RASGRF2: variants seen among roughly 807,000 people sequenced by gnomAD.
The protein encoded by RASGRF2 is Ras protein specific guanine nucleotide releasing factor 2, also known as ras-specific guanine nucleotide-releasing factor 2.
In RASGRF2, 76 loss-of-function variants were observed where a neutral mutation model predicts 151.0. That is an observed-to-expected ratio of 0.50 (90% CI 0.42 to 0.61). The LOEUF is 0.61. Ranked by LOEUF, RASGRF2 falls within the 20% of genes least tolerant of loss-of-function variation. RASGRF2 has a pLI of 0.00. For synonymous variants in RASGRF2, 504 were observed against 566.5 expected (o/e 0.89, Z 1.57); for missense variants, 1,148 against 1,564.6 (o/e 0.73, Z 4.49).
intron 15 of RASGRF2, among the ~76,000 whole-genome samples, chr5:81,118,352 G>A (rs760073907): frequency 2.0e-5 from 3 of 152,204 alleles, no homozygotes; most frequent in East Asian, 1.9e-4. Context: ...TGCGGTGGCC[G>A]AAGCTGTACC....
chr5:80,983,880 C>T (rs1288734848), intron 1 of RASGRF2, among the ~76,000 whole-genome samples: 1 of 152,156 alleles, frequency 6.6e-6, no homozygotes, highest in African/African-American at 2.4e-5. Context: ...ACTTATTTCT[C>T]TTTACTTCTT....
rs566140258 is a variant in RASGRF2, at chr5:81,097,216, C to T, written c.1755+2224C>T. ...CCTCAGGTGATCCTCCCGCCTCGGC[C>T]TCCCAAAGTGCTGGGATTACACGCG... is the stretch of plus-strand genomic sequence containing the variant. On this transcript the variant is annotated intron_variant, in intron 12 of 26. Transcript: ENST00000265080. Among the ~76,000 whole-genome samples, 6 of 152,264 alleles carry T rather than the reference C, an allele frequency of 3.9e-5. 1 individual carries two copies. In the East Asian group the frequency reaches 7.7e-4, roughly 20 times the overall value.
At chr5:81,133,459 A>C (rs1158363733) in intron 17 of RASGRF2, among the ~76,000 whole-genome samples, 2 of 152,266 alleles carry the variant, frequency 1.3e-5, no homozygotes, top group Non-Finnish European at 2.9e-5. Context: ...GATACAGGGA[A>C]TCTGCAGGTG....
At chr5:81,087,539 A>G (rs1752274169) in intron 9 of RASGRF2, 1 of 586,676 alleles carries the variant, frequency 1.7e-6, no homozygotes, top group Non-Finnish European at 3.0e-6. Flanking sequence ...TGGGGGCATC[A>G]CTCGATAAAT....
chr5:81,136,844 T>C (rs915656535), intron 17 of RASGRF2, among the ~76,000 whole-genome samples: 6 of 152,084 alleles, frequency 3.9e-5, no homozygotes, highest in African/African-American at 1.2e-4. Context: ...GAAATTTTGA[T>C]TGGCCTCTCT....
intron 12 of RASGRF2, among the ~76,000 whole-genome samples, chr5:81,101,668 A>T (rs1056542327): frequency 2.0e-5 from 3 of 152,028 alleles, no homozygotes; most frequent in African/African-American, 7.2e-5. Flanking sequence ...GCATCTATCC[A>T]TCCATCCATC....
At chr5:81,145,676 C>A (rs907431750) in intron 17 of RASGRF2, among the ~76,000 whole-genome samples, 7 of 152,146 alleles carry the variant, frequency 4.6e-5, no homozygotes, top group African/African-American at 1.7e-4. Context: ...AGGTCTTCTG[C>A]CAACAGCCAT....
Position 81,214,967 on chromosome 5 carries a change from CAT to C in RASGRF2, c.3355-908_3355-907del, listed in dbSNP as rs1434561625. Reference sequence around the variant, plus strand: ...CTTAGTCAATACCAAGGTAACCAAACATGTGCTTTAGTCATTTGGAGATTAAC... The same window carrying C: ...CTTAGTCAATACCAAGGTAACCAAACGTGCTTTAGTCATTTGGAGATTAAC... On this transcript the variant is annotated intron_variant, in intron 23 of 26. Coordinates refer to ENST00000265080, the MANE Select transcript of RASGRF2 (RefSeq NM_006909.3). 3.9e-5 allele frequency among the ~76,000 whole-genome samples: 6 copies of C among 152,366 alleles called. No homozygotes were observed. The East Asian group carries it at 9.6e-4, about 24-fold the overall frequency.
chr5:81,216,367 A>ACG (rs1491258205), intron 24 of RASGRF2, among the ~76,000 whole-genome samples: 2 of 90,368 alleles, frequency 2.2e-5, no homozygotes, highest in Non-Finnish European at 4.9e-5. Context: ...ACACACACAC[A>ACG]CGCACACACA....
At chr5:81,040,744 C>T (rs1037453983) in intron 1 of RASGRF2, among the ~76,000 whole-genome samples, 5 of 152,214 alleles carry the variant, frequency 3.3e-5, no homozygotes, top group African/African-American at 1.2e-4. Flanking sequence ...TTTTCTCCCC[C>T]TGCTTTAGCT....
At chr5:81,109,381 G>T (rs895493074) in intron 13 of RASGRF2, among the ~76,000 whole-genome samples, 3 of 152,212 alleles carry the variant, frequency 2.0e-5, no homozygotes, top group Admixed American at 6.5e-5. Context: ...AATAGGCCAG[G>T]TGCGGTGGCT....
At chr5:81,131,822 G>A (rs192826357) in intron 17 of RASGRF2, among the ~76,000 whole-genome samples, 131 of 152,152 alleles carry the variant, frequency 8.6e-4, no homozygotes, top group African/African-American at 2.9e-3. Flanking sequence ...CTCGAGATTC[G>A]GATTTTATGC....
chr5:81,000,525 G>C (rs866904136), intron 1 of RASGRF2, among the ~76,000 whole-genome samples: 3 of 152,202 alleles, frequency 2.0e-5, no homozygotes, highest in Admixed American at 6.5e-5. Flanking sequence ...TTACAGGTGA[G>C]AGCCACTATC....
intron 18 of RASGRF2, among the ~76,000 whole-genome samples, chr5:81,195,184 T>C (rs1755236427): frequency 6.6e-6 from 1 of 151,684 alleles, no homozygotes; most frequent in Non-Finnish European, 1.5e-5. Context: ...GCCTGCGGGC[T>C]CCACCCAGGG....
intron 7 of RASGRF2, among the ~76,000 whole-genome samples, chr5:81,082,891 A>T (rs942498535): frequency 6.6e-6 from 1 of 152,176 alleles, no homozygotes. Context: ...GCTTCCCCAT[A>T]ACTATTTTGA....
intron 17 of RASGRF2, among the ~76,000 whole-genome samples, chr5:81,160,141 C>T (rs1040697354): frequency 2.0e-5 from 3 of 152,212 alleles, no homozygotes; most frequent in South Asian, 2.1e-4. Flanking sequence ...AAAAATAGGC[C>T]GGGTGCGGTG....
At chr5:81,207,196 G>A (rs370845056) in intron 20 of RASGRF2, 50 bp from the exon 21 acceptor site, 80 of 1,501,056 alleles carry the variant, frequency 5.3e-5, no homozygotes, top group Non-Finnish European at 6.5e-5. Flanking sequence ...GCAATGAGAT[G>A]GCAGGCGCCC....
intron 26 of RASGRF2, among the ~76,000 whole-genome samples, chr5:81,221,032 G>T (rs1755846019): frequency 6.6e-6 from 1 of 152,178 alleles, no homozygotes; most frequent in African/African-American, 2.4e-5. Context: ...TTAGCCTGGG[G>T]TTATGGGTTA....
chr5:81,069,285 T>C (rs1580277468), intron 3 of RASGRF2, among the ~76,000 whole-genome samples: 1 of 152,248 alleles, frequency 6.6e-6, no homozygotes, highest in Non-Finnish European at 1.5e-5. Flanking sequence ...TTGCAGATGG[T>C]GTTCACCATA....
Sources: allele counts gnomAD v4.1 joint callset (sites outside exome capture counted in the v4.1 genomes callset), GRCh38; gene constraint gnomAD v4.1.1; transcripts MANE v1.5; gene names NCBI Gene and HGNC (gene_info 2026-07-23, HGNC 2026-07-21).